Variants in CCDC197 observed in about 807,000 individuals in gnomAD.
The protein encoded by CCDC197 is coiled-coil domain containing 197.
In CCDC197, 24 loss-of-function variants were observed where a neutral mutation model predicts 13.4. The ratio of observed to expected loss-of-function variants is 1.80; its 90% CI spans 1.30 to 2.53. The LOEUF is 2.53. CCDC197 is among the 30% of genes most tolerant of loss of function. CCDC197 has a pLI of 0.00. For synonymous variants in CCDC197, 99 were observed against 55.5 expected (o/e 1.78, Z -3.48); for missense variants, 255 against 148.8 (o/e 1.71, Z -3.71).
intron 1 of CCDC197, among the ~76,000 whole-genome samples, chr14:93,987,592 G>A (rs1342892549): frequency 1.3e-5 from 2 of 152,186 alleles, no homozygotes; most frequent in Non-Finnish European, 2.9e-5. Flanking sequence ...GGAGTGGCTG[G>A]CGTGGGGTTG....
At chr14:93,988,835 C>T (rs1373189281) in intron 1 of CCDC197, among the ~76,000 whole-genome samples, 2 of 43,402 alleles carry the variant, frequency 4.6e-5, no homozygotes, top group African/African-American at 1.8e-4. Context: ...TGGGAGAGGG[C>T]ATGGGAGGAG....
upstream of CCDC197, among the ~76,000 whole-genome samples, chr14:93,994,019 G>A (rs1890246716): frequency 6.6e-6 from 1 of 151,714 alleles, no homozygotes; most frequent in South Asian, 2.1e-4. Context: ...GGTGGGGTCT[G>A]CTGGTTGAGT....
chr14:94,008,589 A>G lies in CCDC197; in HGVS notation c.616-20A>G. ...AGAGGCCAAAACACTGTCAGGTGAG[A>G]GATTTATTTTCCCTCCCAGGAGTTC... On this transcript the variant is annotated intron_variant, in intron 6 of 6. Coordinates refer to ENST00000636493, the MANE Select transcript of CCDC197 (RefSeq NM_001351596.2). 1.4e-6 allele frequency: 1 copy of G among 696,726 alleles called. No homozygotes were observed. Among genetic ancestry groups the G allele is most frequent in the Non-Finnish European group, 2.6e-6 (1 of 379,702 alleles). The allele number at this position is 696,726 out of a possible 1,614,324, so 43.2% of individuals were successfully genotyped here. A position where few individuals can be genotyped will look rare whatever the true frequency, so the allele number is the denominator to read the frequency against.
At chr14:94,006,084 T>C (rs35804133) in intron 6 of CCDC197, among the ~76,000 whole-genome samples, 35,252 of 152,114 alleles carry the variant, frequency 0.23, 4,653 homozygotes, top group East Asian at 0.37. Flanking sequence ...CCAAACTCTT[T>C]TCCAAAGTGG....
In CCDC197 at chr14:94,005,763, C is replaced by T. The variant is rs1423093059; in HGVS notation, c.615+792C>T. Among the ~76,000 whole-genome samples, 4 of 152,294 alleles carry T rather than the reference C, an allele frequency of 2.6e-5. 1 individual carries two copies. Among genetic ancestry groups the T allele is most frequent in the East Asian group, 1.9e-4 (1 of 5,190 alleles). ...TTAGCGTCTGGCTGCTTTCATTTAG[C>T]GTCTGGCTGCTTTCATTTAGCATAA... On this transcript the variant is annotated intron_variant, in intron 6 of 6. Transcript: ENST00000636493.
At position 93,997,983 on chromosome 14, in the gene CCDC197, T is replaced by C. The variant is rs1189963729; in HGVS notation, c.-133-16T>C. ...CTCACAGCCCCTTTCTGAACCTCTG[T>C]CTCCTTTTCTGTGAGGTGGGGATGC... On this transcript the variant is annotated splice_polypyrimidine_tract_variant and intron_variant, in intron 1 of 6. Transcript: ENST00000636493. The C allele has an allele frequency of 3.2e-6, 2 of 629,906 alleles. No individual in the cohort carries two copies. Among genetic ancestry groups the C allele is most frequent in the Non-Finnish European group, 5.7e-6 (2 of 348,386 alleles). The allele number at this position is 629,906 out of a possible 1,614,324, so 39.0% of individuals were successfully genotyped here. A position where few individuals can be genotyped will look rare whatever the true frequency, so the allele number is the denominator to read the frequency against.
At chr14:94,006,285 G>A (rs755615545) in intron 6 of CCDC197, among the ~76,000 whole-genome samples, 5 of 152,020 alleles carry the variant, frequency 3.3e-5, no homozygotes, top group Non-Finnish European at 2.9e-5. Context: ...GTGCTTATTG[G>A]CCATGTGTAT....
In CCDC197 at chr14:94,003,868, C is replaced by T. The variant is rs924161546; in HGVS notation, c.498+514C>T. On this transcript the variant is annotated intron_variant, in intron 5 of 6. Transcript: ENST00000636493. This position sits in a 1 kb window ranked among gnomAD's most constrained non-coding sequence, Gnocchi z 5.0. Reference sequence around the variant, plus strand: ...GCCAAGAACCAGAGCCGGGATCCACCGGCCCAGTCCCAGGGCTTGGTGTTG... The same window carrying T: ...GCCAAGAACCAGAGCCGGGATCCACTGGCCCAGTCCCAGGGCTTGGTGTTG... 3.3e-5 allele frequency among the ~76,000 whole-genome samples: 5 copies of T among 152,170 alleles called. No homozygotes were observed. Among genetic ancestry groups the T allele is most frequent in the Admixed American group, 2.0e-4 (3 of 15,278 alleles).
At chr14:94,009,009 G>A, downstream of CCDC197, 1 of 544,164 alleles carries the variant, frequency 1.8e-6, no homozygotes, top group South Asian at 2.7e-5. Flanking sequence ...GGTAAGGCCT[G>A]CCTGGGATCC....
chr14:94,006,409 A>G (rs1013445323), intron 6 of CCDC197, among the ~76,000 whole-genome samples: 1 of 150,918 alleles, frequency 6.6e-6, no homozygotes, highest in Non-Finnish European at 1.5e-5. Context: ...CTGGAGTGCA[A>G]TGGCACTTCT....
At position 94,004,901 on chromosome 14, in the gene CCDC197, G is replaced by T; in HGVS notation, c.545G>T (p.Arg182Leu). ...YMQMTITNMARQCCPSAHGVP... is the reference protein window; with the variant it reads ...YMQMTITNMALQCCPSAHGVP... ...CAAATGACCATCACCAACATGGCCC[G>T]GCAGTGCTGCCCCTCTGCCCACGGC... Residue 182 changes from arginine (R) to leucine (L), a missense_variant, in exon 6 of 7, where the codon CGG becomes CTG. By Grantham distance (102) the Arg-to-Leu change is moderately radical. Transcript: ENST00000636493. The T allele has an allele frequency of 1.4e-6, 1 of 702,950 alleles. No individual in the cohort carries two copies. The highest frequency in any genetic ancestry group is 2.6e-6 in the Non-Finnish European group (1 of 384,980). 43.5% of individuals were successfully genotyped at this position (702,950 alleles called of 1,614,324 possible). A position where few individuals can be genotyped will look rare whatever the true frequency, so the allele number is the denominator to read the frequency against.
At chr14:93,996,143 G>A (rs1415209598), upstream of CCDC197, among the ~76,000 whole-genome samples, 2 of 152,060 alleles carry the variant, frequency 1.3e-5, no homozygotes, top group Non-Finnish European at 2.9e-5. Flanking sequence ...CCTTCTCTGG[G>A]CAACCCCAGC....
chr14:94,003,084 G>T lies in CCDC197; in HGVS notation c.367-139G>T, dbSNP rs1285682087. The T allele has an allele frequency of 5.1e-6, 3 of 587,034 alleles. No individual in the cohort carries two copies. Among genetic ancestry groups the T allele is most frequent in the Non-Finnish European group, 9.1e-6 (3 of 328,730 alleles). The allele number at this position is 587,034 out of a possible 1,614,324, so 36.4% of individuals were successfully genotyped here. ...GGACACGCCCTTTTCTGCATCTCTGGTGCCTTGAATGGCCCCAGCCACCCA... is the reference window on the plus strand; with the variant it reads ...GGACACGCCCTTTTCTGCATCTCTGTTGCCTTGAATGGCCCCAGCCACCCA... On this transcript the variant is annotated intron_variant, in intron 4 of 6. Transcript: ENST00000636493. The surrounding 1 kb of genome is among the most constrained non-coding windows in gnomAD (Gnocchi z 5.0).
intron 1 of CCDC197, among the ~76,000 whole-genome samples, chr14:93,991,293 A>T (rs1890206372): frequency 6.6e-6 from 1 of 152,200 alleles, no homozygotes; most frequent in South Asian, 2.1e-4. Context: ...TGAAGAGGCC[A>T]TTCTCATTTA....
intron 3 of CCDC197, 190 bp from the exon 4 acceptor site, chr14:94,000,955 G>T: frequency 2.4e-6 from 1 of 415,854 alleles, no homozygotes; most frequent in East Asian, 4.1e-5. Context: ...TGAAGTGGAG[G>T]GGGCGGGAGG....
upstream of CCDC197, among the ~76,000 whole-genome samples, chr14:93,993,602 A>G (rs1356393758): frequency 6.6e-6 from 1 of 152,190 alleles, no homozygotes; most frequent in African/African-American, 2.4e-5. Context: ...GGCCCTGTTT[A>G]GGGGCATTTG....
At chr14:94,001,949 G>C (rs1890527108) in intron 4 of CCDC197, among the ~76,000 whole-genome samples, 1 of 152,182 alleles carries the variant, frequency 6.6e-6, no homozygotes. Context: ...GTTTTGGAGA[G>C]AGCATCTGCC....
At chr14:93,995,463 C>CA (rs1890265063), upstream of CCDC197, among the ~76,000 whole-genome samples, 1 of 152,142 alleles carries the variant, frequency 6.6e-6, no homozygotes, top group Admixed American at 6.5e-5. Flanking sequence ...TGAGCCTCCT[C>CA]AGCCTGTTGT....
upstream of CCDC197, among the ~76,000 whole-genome samples, chr14:93,994,250 T>G (rs1005269570): frequency 1.3e-5 from 2 of 152,212 alleles, no homozygotes; most frequent in Non-Finnish European, 2.9e-5. Flanking sequence ...TTGAAGTTCT[T>G]AATAATTTTT....
Sources: gnomAD v4.1 joint callset for allele counts (sites outside exome capture counted in the v4.1 genomes callset) on GRCh38, gnomAD v4.1.1 for gene constraint, Gnocchi (gnomAD v3.1) non-coding constraint, MANE v1.5 for transcripts, NCBI Gene and HGNC (gene_info 2026-07-23, HGNC 2026-07-21) for gene names.